The following RBM20 variants were observed in gnomAD, a reference collection of about 807,000 sequenced individuals.
The protein encoded by RBM20 is RNA binding motif protein 20.
RBM20 carries 51 observed loss-of-function variants against 110.1 expected under a neutral mutation model. The observed-to-expected ratio is 0.46, with a 90% CI of 0.37 to 0.59. The LOEUF is 0.59. RBM20 is among the 20% of genes least tolerant of loss of function. RBM20 has a pLI of 0.00. For synonymous variants in RBM20, 589 were observed against 618.2 expected, an observed-to-expected ratio of 0.95 and a Z score of 0.70; for missense variants, 1,512 against 1,574.9, an observed-to-expected ratio of 0.96 and a Z score of 0.68.
intron 1 of RBM20, among the ~76,000 whole-genome samples, chr10:110,722,732 AG>A (rs1286627813): frequency 6.6e-6 from 1 of 152,106 alleles, no homozygotes; most frequent in Non-Finnish European, 1.5e-5. Flanking sequence ...GTAACCTTGG[AG>A]GATAGAGTGA....
rs549533136 is a variant in RBM20 at position 110,718,031 on chromosome 10, T to G, written c.192-62770T>G. Among the ~76,000 whole-genome samples, 6 of 152,280 alleles carry G rather than the reference T, an allele frequency of 3.9e-5. No homozygotes were observed. In the South Asian group the frequency reaches 1.0e-3, roughly 26 times the overall value. On this transcript the variant is annotated intron_variant, in intron 1 of 13. Transcript: ENST00000369519. ...CTGTTTGACATGTGGCAATATCCTT[T>G]GAGAATGAAGAAAAACAGACAAGCA...
chr10:110,805,722 G>C (rs541574163), intron 7 of RBM20, among the ~76,000 whole-genome samples: 12 of 152,316 alleles, frequency 7.9e-5, no homozygotes, highest in South Asian at 6.2e-4. Context: ...TAGTGGTGGT[G>C]CCTCCCTCTT....
intron 1 of RBM20, among the ~76,000 whole-genome samples, chr10:110,737,476 G>A (rs763957346): frequency 6.6e-6 from 1 of 152,114 alleles, no homozygotes; most frequent in Non-Finnish European, 1.5e-5. Flanking sequence ...TTTTTACACA[G>A]TGAACATATC....
chr10:110,780,534 G>A (rs1241687448), intron 1 of RBM20, among the ~76,000 whole-genome samples: 3 of 151,832 alleles, frequency 2.0e-5, no homozygotes, highest in Non-Finnish European at 4.4e-5. Flanking sequence ...TATTTTGCTA[G>A]GCAAATATTT....
chr10:110,770,142 C>T (rs1326296955), intron 1 of RBM20, among the ~76,000 whole-genome samples: 1 of 152,206 alleles, frequency 6.6e-6, no homozygotes, highest in African/African-American at 2.4e-5. Context: ...GCTCCACCCC[C>T]AGATCTTCCG....
chr10:110,738,623 G>A (rs771447324), intron 1 of RBM20, among the ~76,000 whole-genome samples: 4 of 152,264 alleles, frequency 2.6e-5, no homozygotes, highest in Admixed American at 1.3e-4. Context: ...CTGGGCTGGG[G>A]GAGAGGGTGG....
At chr10:110,677,469 C>T (rs1275891596) in intron 1 of RBM20, among the ~76,000 whole-genome samples, 1 of 152,152 alleles carries the variant, frequency 6.6e-6, no homozygotes, top group Non-Finnish European at 1.5e-5. Flanking sequence ...CGGGTGCCCA[C>T]CACCACGCCC....
At chr10:110,660,823 T>C (rs747558509) in intron 1 of RBM20, among the ~76,000 whole-genome samples, 1 of 152,180 alleles carries the variant, frequency 6.6e-6, no homozygotes, top group African/African-American at 2.4e-5. Context: ...ATAAATGTGA[T>C]ATGCTGGAAT....
chr10:110,742,648 T>C (rs1220674479), intron 1 of RBM20, among the ~76,000 whole-genome samples: 1 of 152,182 alleles, frequency 6.6e-6, no homozygotes, highest in African/African-American at 2.4e-5. Context: ...TTCTTTCTTT[T>C]ACAAAAGACA....
chr10:110,745,302 C>T (rs1564832601), intron 1 of RBM20, among the ~76,000 whole-genome samples: 1 of 152,126 alleles, frequency 6.6e-6, no homozygotes, highest in Non-Finnish European at 1.5e-5. Flanking sequence ...GGATTTGATC[C>T]CTGCAGGCTG....
intron 1 of RBM20, among the ~76,000 whole-genome samples, chr10:110,668,652 G>A (rs146597660): frequency 3.7e-4 from 56 of 152,166 alleles, no homozygotes; most frequent in African/African-American, 8.4e-4. Context: ...GAGAGTTTGC[G>A]ATGAGTGATG....
In RBM20 at chr10:110,718,010, T is replaced by G. The variant is rs117506416; in HGVS notation, c.192-62791T>G. Among the ~76,000 whole-genome samples the G allele has an allele frequency of 6.4e-4, 98 of 152,332 alleles. No individual in the cohort carries two copies. The East Asian group carries it at 0.018, about 28-fold the overall frequency. ...CTGGGGCTTCGGGCATCTGTTCTGT[T>G]TGACATGTGGCAATATCCTTTGAGA... is the stretch of plus-strand genomic sequence containing the variant. On this transcript the variant is annotated intron_variant, in intron 1 of 13. Transcript: ENST00000369519.
intron 2 of RBM20, 73 bp from the exon 3 acceptor site, chr10:110,783,293 G>A (rs947410267): frequency 6.8e-6 from 8 of 1,184,654 alleles, no homozygotes; most frequent in Non-Finnish European, 9.8e-6. Flanking sequence ...CCTGACCAGT[G>A]TCTCTGTGCT....
intron 7 of RBM20, among the ~76,000 whole-genome samples, chr10:110,804,863 T>A (rs2135089799): frequency 6.6e-6 from 1 of 152,276 alleles, no homozygotes; most frequent in Middle Eastern, 3.4e-3. Context: ...GGATTTTTTG[T>A]GGGGGGAGTC....
intron 1 of RBM20, among the ~76,000 whole-genome samples, chr10:110,725,757 A>T (rs1843553348): frequency 6.6e-6 from 1 of 152,218 alleles, no homozygotes; most frequent in Non-Finnish European, 1.5e-5. Context: ...GCGGGGAGGC[A>T]GCGTTAAATC....
At chr10:110,670,775 A>G (rs2134840312) in intron 1 of RBM20, among the ~76,000 whole-genome samples, 2 of 152,364 alleles carry the variant, frequency 1.3e-5, no homozygotes, top group East Asian at 3.9e-4. Context: ...CTTTATGCAT[A>G]ACAACACGAC....
At chr10:110,705,949 G>T (rs1862832075) in intron 1 of RBM20, among the ~76,000 whole-genome samples, 1 of 152,100 alleles carries the variant, frequency 6.6e-6, no homozygotes, top group Non-Finnish European at 1.5e-5. Flanking sequence ...GGGTGTGATG[G>T]CAGAGTCTTG....
intron 1 of RBM20, among the ~76,000 whole-genome samples, chr10:110,737,182 A>AAAAAAAAAAAAAAAAAAAAAC (rs1023856856): frequency 4.4e-5 from 6 of 137,092 alleles, no homozygotes; most frequent in African/African-American, 1.4e-4. Context: ...TGCCTCAAAA[A>AAAAAAAAAAAAAAAAAAAAAC]AAAAAAAAAA....
chr10:110,727,274 A>G (rs1590639407), intron 1 of RBM20, among the ~76,000 whole-genome samples: 1 of 141,554 alleles, frequency 7.1e-6, no homozygotes, highest in South Asian at 2.3e-4. Context: ...TCATTTTTTC[A>G]GTTTTTGGGT....
Sources: allele counts gnomAD v4.1 joint callset (sites outside exome capture counted in the v4.1 genomes callset), GRCh38; gene constraint gnomAD v4.1.1; transcripts MANE v1.5; gene names NCBI Gene and HGNC (gene_info 2026-07-23, HGNC 2026-07-21).